Variants in ITCH observed in about 807,000 individuals in gnomAD.
ITCH encodes itchy E3 ubiquitin protein ligase, also known as E3 ubiquitin-protein ligase Itchy homolog.
In ITCH, 28 loss-of-function variants were observed where a neutral mutation model predicts 126.8. The observed-to-expected ratio is 0.22, with a 90% CI of 0.16 to 0.30. The LOEUF is 0.30. Among genes scored for constraint, ITCH ranks in the 10% least tolerant of loss-of-function variants. The pLI is 1.00. For missense variants in ITCH, 631 were observed against 1,032.4 expected, an observed-to-expected ratio of 0.61 and a Z score of 5.33; for synonymous variants, 342 against 340.0, an observed-to-expected ratio of 1.01 and a Z score of -0.06.
chr20:34,425,336 C>G (rs1981361759), intron 7 of ITCH, among the ~76,000 whole-genome samples: 1 of 152,136 alleles, frequency 6.6e-6, no homozygotes, highest in Non-Finnish European at 1.5e-5. Context: ...TGGGTATTGT[C>G]CAAGGTTTCC....
chr20:34,472,579 A>G (rs1987750516), intron 16 of ITCH, among the ~76,000 whole-genome samples: 1 of 152,186 alleles, frequency 6.6e-6, no homozygotes, highest in Non-Finnish European at 1.5e-5. Flanking sequence ...ATTTTCAAGC[A>G]CCAGTGGTAT....
chr20:34,503,884 G>GT (rs148915356), intron 23 of ITCH, among the ~76,000 whole-genome samples: 47,538 of 96,784 alleles, frequency 0.49, 10,116 homozygotes, highest in Non-Finnish European at 0.54. Context: ...TTTTTTTTTT[G>GT]GTTTTTTTTT....
chr20:34,456,282 T>A (rs1238874191), intron 12 of ITCH, among the ~76,000 whole-genome samples: 1 of 120,996 alleles, frequency 8.3e-6, no homozygotes, highest in Non-Finnish European at 1.7e-5. Context: ...TAGAGTGCAG[T>A]GGCATGATCT....
At chr20:34,444,170 C>A (rs918055263) in intron 10 of ITCH, among the ~76,000 whole-genome samples, 1 of 152,138 alleles carries the variant, frequency 6.6e-6, no homozygotes, top group Non-Finnish European at 1.5e-5. Context: ...AGGTAGAAAT[C>A]GTGAAGTCAT....
intron 2 of ITCH, among the ~76,000 whole-genome samples, chr20:34,388,259 G>T (rs1432063472): frequency 6.6e-6 from 1 of 151,804 alleles, no homozygotes; most frequent in Admixed American, 6.6e-5. Context: ...CACTGCATCT[G>T]GCTAATTTTT....
intron 1 of ITCH, among the ~76,000 whole-genome samples, chr20:34,367,037 CAAA>C (rs2037447027): frequency 6.6e-6 from 1 of 151,916 alleles, no homozygotes; most frequent in South Asian, 2.1e-4. Context: ...CCTTTTCTGT[CAAA>C]AGAACCCATT....
At chr20:34,491,070 A>G (rs573764143) in intron 22 of ITCH, among the ~76,000 whole-genome samples, 1 of 152,344 alleles carries the variant, frequency 6.6e-6, no homozygotes, top group South Asian at 2.1e-4. Flanking sequence ...TACCCATTGT[A>G]AAGTTGAAAA....
intron 10 of ITCH, 58 bp from the exon 11 acceptor site, chr20:34,445,229 T>C: frequency 6.3e-7 from 1 of 1,580,314 alleles, no homozygotes; most frequent in South Asian, 1.1e-5. Context: ...AAATATTCTA[T>C]CTGTTTCACA....
Position 34,477,701 on chromosome 20 carries a change from T to C in ITCH, c.1570-71T>C, listed in dbSNP as rs1988365635. On this transcript the variant is annotated intron_variant, in intron 16 of 24. Coordinates refer to ENST00000374864, the MANE Select transcript of ITCH (RefSeq NM_031483.7). Reference sequence around the variant, plus strand: ...TCAGTTACCTATAACGAAGGAGATGTCAAACCTAGAAGTGGTAGACAGTGT... The same window carrying C: ...TCAGTTACCTATAACGAAGGAGATGCCAAACCTAGAAGTGGTAGACAGTGT... 3 of 1,424,020 alleles carry C rather than the reference T, an allele frequency of 2.1e-6. No individual in the cohort carries two copies. The South Asian group carries it at 3.5e-5, about 16-fold the overall frequency. The allele number at this position is 1,424,020 out of a possible 1,614,324, so 88.2% of individuals were successfully genotyped here.
chr20:34,390,443 C>CTTTTTTTTTTT (rs546555130), intron 2 of ITCH, among the ~76,000 whole-genome samples: 2 of 90,756 alleles, frequency 2.2e-5, no homozygotes, highest in Admixed American at 1.4e-4. Context: ...CAAGAATAAT[C>CTTTTTTTTTTT]TTTTTTTTTT....
chr20:34,390,392 C>T (rs1393823713), intron 2 of ITCH, among the ~76,000 whole-genome samples: 1 of 151,594 alleles, frequency 6.6e-6, no homozygotes, highest in Admixed American at 6.6e-5. Context: ...TACATAATTA[C>T]CATGCTATAA....
At chr20:34,367,148 A>G (rs747350510) in intron 1 of ITCH, among the ~76,000 whole-genome samples, 6 of 152,200 alleles carry the variant, frequency 3.9e-5, no homozygotes, top group Non-Finnish European at 5.9e-5. Context: ...GAACTATGTC[A>G]GGTGTAATTT....
intron 16 of ITCH, 66 bp downstream of exon 16, chr20:34,471,581 TC>T: frequency 2.1e-6 from 2 of 962,252 alleles, no homozygotes; most frequent in Non-Finnish European, 3.4e-6. Context: ...TTTGGTGCTG[TC>T]AGTTTAATCT....
At chr20:34,473,213 G>A (rs1987813654) in intron 16 of ITCH, among the ~76,000 whole-genome samples, 1 of 152,224 alleles carries the variant, frequency 6.6e-6, no homozygotes, top group Non-Finnish European at 1.5e-5. Context: ...CTCTGGGATA[G>A]TGTTTCTTCT....
chr20:34,438,368 C>T (rs781612442), intron 7 of ITCH, 106 bp from the exon 8 acceptor site: 20 of 1,193,594 alleles, frequency 1.7e-5, no homozygotes, highest in East Asian at 2.4e-5. Flanking sequence ...TTTTTTGAAG[C>T]TCTTAAAAAC....
At chr20:34,466,118 A>G (rs1410289843) in intron 14 of ITCH, among the ~76,000 whole-genome samples, 2 of 152,046 alleles carry the variant, frequency 1.3e-5, no homozygotes, top group Middle Eastern at 3.2e-3. Context: ...GGAGTGTTTT[A>G]TCATGAAAGT....
At chr20:34,414,153 A>T (rs1568913593) in intron 6 of ITCH, among the ~76,000 whole-genome samples, 5 of 151,764 alleles carry the variant, frequency 3.3e-5, no homozygotes, top group Admixed American at 3.3e-4. Flanking sequence ...TTAAAAAAAA[A>T]AAAAAAGAAA....
intron 7 of ITCH, among the ~76,000 whole-genome samples, chr20:34,430,475 C>CTGTTT (rs762481831): frequency 1.3e-5 from 2 of 150,786 alleles, no homozygotes; most frequent in African/African-American, 4.9e-5. Context: ...TGATTTTGTT[C>CTGTTT]TGTTTTGTTT....
At chr20:34,494,083 G>A (rs1244010868) in intron 23 of ITCH, among the ~76,000 whole-genome samples, 1 of 152,164 alleles carries the variant, frequency 6.6e-6, no homozygotes, top group African/African-American at 2.4e-5. Flanking sequence ...ACAAAAATTA[G>A]CCGGGCGTGT....
Sources: allele counts gnomAD v4.1 joint callset (sites outside exome capture counted in the v4.1 genomes callset), GRCh38; gene constraint gnomAD v4.1.1; transcripts MANE v1.5; gene names NCBI Gene and HGNC (gene_info 2026-07-23, HGNC 2026-07-21).